Variants in ST3GAL3 observed in about 807,000 individuals in gnomAD.
ST3GAL3 encodes the protein ST3 beta-galactoside alpha-2,3-sialyltransferase 3.
ST3GAL3 carries 21 observed loss-of-function variants against 50.1 expected under a neutral mutation model. The ratio of observed to expected loss-of-function variants is 0.42; its 90% CI spans 0.30 to 0.60. The LOEUF (loss-of-function observed/expected upper bound fraction) is 0.60, where lower values mean the gene tolerates loss of function less well. ST3GAL3 is among the 20% of genes least tolerant of loss of function. ST3GAL3 has a pLI of 0.19. For synonymous variants in ST3GAL3, 183 were observed against 190.0 expected, an observed-to-expected ratio of 0.96 and a Z score of 0.30; for missense variants, 353 against 489.4, an observed-to-expected ratio of 0.72 and a Z score of 2.63.
At chr1:43,888,157 G>C (rs2076226947) in intron 5 of ST3GAL3, among the ~76,000 whole-genome samples, 1 of 152,174 alleles carries the variant, frequency 6.6e-6, no homozygotes, top group Non-Finnish European at 1.5e-5. Flanking sequence ...TATGGAACTA[G>C]ATAAAATTGG....
At chr1:43,860,877 G>C (rs1183710119) in intron 5 of ST3GAL3, among the ~76,000 whole-genome samples, 2 of 152,342 alleles carry the variant, frequency 1.3e-5, no homozygotes, top group East Asian at 3.9e-4. Context: ...GGTAGGTTCA[G>C]GAAGTAGAAA....
intron 2 of ST3GAL3, among the ~76,000 whole-genome samples, chr1:43,745,136 A>G (rs1471475396): frequency 6.6e-6 from 1 of 152,246 alleles, no homozygotes. Flanking sequence ...ACCACTGGAA[A>G]TGGTAAATGG....
chr1:43,862,172 AG>A (rs2070157874), intron 5 of ST3GAL3, among the ~76,000 whole-genome samples: 1 of 152,198 alleles, frequency 6.6e-6, no homozygotes, highest in Non-Finnish European at 1.5e-5. Flanking sequence ...TGGACAAGGC[AG>A]GCACTCAGCT....
At chr1:43,868,672 G>A (rs2071907601) in intron 5 of ST3GAL3, among the ~76,000 whole-genome samples, 2 of 152,034 alleles carry the variant, frequency 1.3e-5, no homozygotes, top group Admixed American at 6.6e-5. Flanking sequence ...ACCCTTCCCA[G>A]GGCTCTGGGT....
chr1:43,778,898 C>T (rs1401971064), intron 2 of ST3GAL3, among the ~76,000 whole-genome samples: 4 of 152,070 alleles, frequency 2.6e-5, no homozygotes, highest in South Asian at 2.1e-4. Context: ...CCACCCGCCT[C>T]GTCCTCCCAA....
At chr1:43,723,276 G>A (rs189223389) in intron 1 of ST3GAL3, among the ~76,000 whole-genome samples, 2 of 151,966 alleles carry the variant, frequency 1.3e-5, no homozygotes, top group East Asian at 3.9e-4. Context: ...ACCCAGCTAA[G>A]TTTTGTATTT....
At chr1:43,835,297 AC>A (rs2064145214) in intron 4 of ST3GAL3, among the ~76,000 whole-genome samples, 1 of 152,200 alleles carries the variant, frequency 6.6e-6, no homozygotes, top group African/African-American at 2.4e-5. Context: ...TTGACCGCTA[AC>A]TGCCCCAGAG....
At chr1:43,765,792 C>T (rs1166120850) in intron 2 of ST3GAL3, among the ~76,000 whole-genome samples, 8 of 146,816 alleles carry the variant, frequency 5.4e-5, no homozygotes, top group East Asian at 2.0e-4. Flanking sequence ...TGTGCGCGCG[C>T]GCGCGCGCGT....
intron 2 of ST3GAL3, among the ~76,000 whole-genome samples, chr1:43,764,932 C>T (rs765817915): frequency 8.5e-5 from 13 of 152,206 alleles, no homozygotes; most frequent in Non-Finnish European, 1.8e-4. Flanking sequence ...CCTGAAAGGG[C>T]TGGTAGAGTA....
chr1:43,723,450 T>C (rs189455917), intron 1 of ST3GAL3, among the ~76,000 whole-genome samples: 1 of 152,192 alleles, frequency 6.6e-6, no homozygotes, highest in Admixed American at 6.5e-5. Context: ...CCCTTTCCGC[T>C]TCTGCCATGA....
intron 9 of ST3GAL3, among the ~76,000 whole-genome samples, chr1:43,906,181 C>T (rs1374196463): frequency 1.2e-4 from 15 of 121,526 alleles, no homozygotes; most frequent in South Asian, 6.5e-4. Flanking sequence ...TCCTGCCACT[C>T]TTCCTCCCCC....
intron 5 of ST3GAL3, among the ~76,000 whole-genome samples, chr1:43,871,604 A>T (rs1570310632): frequency 1.0e-5 from 1 of 98,646 alleles, no homozygotes; most frequent in African/African-American, 4.1e-5. Context: ...ATGGGGTGTG[A>T]GGGAGAAGAT....
chr1:43,925,370 CTA>C (rs1379942505), intron 11 of ST3GAL3, among the ~76,000 whole-genome samples: 1 of 149,704 alleles, frequency 6.7e-6, no homozygotes, highest in Non-Finnish European at 1.5e-5. Flanking sequence ...GGGGCTGACT[CTA>C]GACCTGCATT....
rs1430918125 is a variant in ST3GAL3, at chr1:43,792,067, G to A, written c.119-35G>A. 7 of 1,613,792 alleles carry A rather than the reference G, an allele frequency of 4.3e-6. No homozygotes were observed. The African/African-American group carries it at 5.3e-5, about 12-fold the overall frequency. ...GGAGCTTGCTTTTTTATTATAAGAA[G>A]GAGAAAGAAATGAACTTGTCCTCTT... On this transcript the variant is annotated intron_variant, in intron 2 of 11. Transcript: ENST00000347631.
intron 11 of ST3GAL3, chr1:43,921,657 G>A (rs2083053071): frequency 1.0e-5 from 4 of 398,602 alleles, no homozygotes; most frequent in South Asian, 1.3e-4. Context: ...GGGGGCTCTG[G>A]TCTCAGCCCT....
At chr1:43,792,725 A>G (rs1263669014) in intron 3 of ST3GAL3, among the ~76,000 whole-genome samples, 1 of 152,208 alleles carries the variant, frequency 6.6e-6, no homozygotes, top group Non-Finnish European at 1.5e-5. Flanking sequence ...CACACAGATC[A>G]GCACACCTGC....
In ST3GAL3 at chr1:43,899,367, G is replaced by A. The variant is rs933761243; in HGVS notation, c.557+104G>A. ...CTGGCTAGTTGGGCTGGAGGTCAAC[G>A]GAAGCCTCAAGAACTCTGGGTTGGA... On this transcript the variant is annotated intron_variant, in intron 8 of 11. Coordinates refer to ENST00000347631, the MANE Select transcript of ST3GAL3 (RefSeq NM_006279.5). The surrounding 1 kb of genome is among the most constrained non-coding windows in gnomAD (Gnocchi z 5.4). 17 of 1,601,848 alleles carry A rather than the reference G, an allele frequency of 1.1e-5. No individual in the cohort carries two copies. The African/African-American group carries it at 1.2e-4, about 11-fold the overall frequency.
intron 1 of ST3GAL3, among the ~76,000 whole-genome samples, chr1:43,719,430 G>A (rs1350124562): frequency 1.3e-5 from 2 of 151,936 alleles, no homozygotes; most frequent in Non-Finnish European, 2.9e-5. Flanking sequence ...GGGAGGCCGA[G>A]ATGAGCGGAT....
At chr1:43,882,653 C>T (rs115005118) in intron 5 of ST3GAL3, among the ~76,000 whole-genome samples, 1,683 of 152,264 alleles carry the variant, frequency 0.011, 30 homozygotes, top group African/African-American at 0.039. Flanking sequence ...TAGATGTTTT[C>T]GGCTTTGTGG....
Sources: gnomAD v4.1 joint callset for allele counts (sites outside exome capture counted in the v4.1 genomes callset) on GRCh38, gnomAD v4.1.1 for gene constraint, Gnocchi (gnomAD v3.1) non-coding constraint, MANE v1.5 for transcripts, NCBI Gene and HGNC (gene_info 2026-07-23, HGNC 2026-07-21) for gene names.